EPS8L3: variants seen among roughly 807,000 people sequenced by gnomAD.
EPS8L3 encodes EPS8 signaling adaptor L3.
A neutral mutation model predicts 88.5 loss-of-function variants in EPS8L3; 80 were observed. That is an observed-to-expected ratio of 0.90 (90% CI 0.75 to 1.09). The LOEUF is 1.09. Ranked by LOEUF, EPS8L3 falls within the 50% of genes least tolerant of loss-of-function variation. EPS8L3 has a pLI of 0.00. For missense variants in EPS8L3, 721 were observed against 735.2 expected (o/e 0.98, Z 0.22); for synonymous variants, 286 against 291.0 (o/e 0.98, Z 0.18).
In EPS8L3 at chr1:109,758,747, G is replaced by A. The variant is rs1027713443; in HGVS notation, c.462-84C>T. The A allele has an allele frequency of 1.3e-5, 19 of 1,482,972 alleles. 1 individual carries two copies. In the South Asian group the frequency reaches 2.2e-4, roughly 17 times the overall value. 91.9% of individuals were successfully genotyped at this position (1,482,972 alleles called of 1,614,324 possible). On this transcript the variant is annotated intron_variant, in intron 6 of 18. Coordinates refer to ENST00000361965, the MANE Select transcript of EPS8L3 (RefSeq NM_133181.4). The stretch of plus-strand genomic sequence containing the variant: ...CCCACAATTCTGCTCCAGGACCCAG[G>A]GGCACCACCACCTCTCTCCAGGAGT...
intron 10 of EPS8L3, 112 bp downstream of exon 10, chr1:109,757,690 G>T: frequency 7.1e-7 from 1 of 1,402,198 alleles, no homozygotes; most frequent in Non-Finnish European, 1.0e-6. Flanking sequence ...AGGTTCTAGG[G>T]GGAGTAGATG....
At position 109,751,281 on chromosome 1, in the gene EPS8L3, G is replaced by A. The variant is rs760731881; in HGVS notation, c.1634C>T (p.Thr545Ile). 2 of 1,613,664 alleles carry A rather than the reference G, an allele frequency of 1.2e-6. No homozygotes were observed. The highest frequency in any genetic ancestry group is 1.7e-6 in the Non-Finnish European group (2 of 1,179,898). Residue 545 changes from threonine (T) to isoleucine (I), a missense_variant, in exon 17 of 19, where the codon ACT (threonine) becomes ATT (isoleucine). Thr to Ile is a moderately conservative substitution (Grantham distance 89). Transcript: ENST00000361965. ...TDWLQAENFS[T>I]ATVRTLGSLT... is the part of the protein sequence containing the mutation. ...TCCTGTAGGGCCAGGCACTCACGCA[G>A]TGGAGAAGTTCTCTGCCTGCAGCCA...
Position 109,757,019 on chromosome 1 carries a change from G to A in EPS8L3, c.1116C>T (p.Ser372=). The change falls in exon 12 of 19, where the codon AGC becomes AGT. Residue 372 remains serine (S), a splice_region_variant and synonymous_variant. Transcript: ENST00000361965. ...GTTCAGGCTTTGTCTTCACTCACCGGCTAGTGGTCCAGGCTGGGCCCAACC... is the reference window on the plus strand; with the variant it reads ...GTTCAGGCTTTGTCTTCACTCACCGACTAGTGGTCCAGGCTGGGCCCAACC... The part of the protein sequence containing the change: ...WMGLGPAWTT[S]RADWTGDEPL... The A allele has an allele frequency of 6.2e-7, 1 of 1,614,206 alleles. No individual in the cohort carries two copies. The highest frequency in any genetic ancestry group is 8.5e-7 in the Non-Finnish European group (1 of 1,180,022).
Position 109,757,008 on chromosome 1 carries a change from T to C in EPS8L3, c.1118+9A>G, listed in dbSNP as rs1380255654. The C allele has an allele frequency of 6.2e-7, 1 of 1,614,086 alleles. No individual in the cohort carries two copies. Among genetic ancestry groups the C allele is most frequent in the African/African-American group, 1.3e-5 (1 of 74,934 alleles). On this transcript the variant is annotated intron_variant, in intron 12 of 18. Coordinates refer to ENST00000361965, the MANE Select transcript of EPS8L3 (RefSeq NM_133181.4). ...CCCCCGATTCAGTTCAGGCTTTGTCTTCACTCACCGGCTAGTGGTCCAGGC... is the reference window on the plus strand; with the variant it reads ...CCCCCGATTCAGTTCAGGCTTTGTCCTCACTCACCGGCTAGTGGTCCAGGC...
Position 109,759,227 on chromosome 1 carries a change from C to T in EPS8L3, c.405+11G>A, listed in dbSNP as rs369574563. The T allele has an allele frequency of 1.8e-5, 29 of 1,613,254 alleles. No individual in the cohort carries two copies. Among genetic ancestry groups the T allele is most frequent in the African/African-American group, 1.1e-4 (8 of 74,860 alleles). ...AACCCCACCCCTGACCAATCACCCCCGACCACTCACCCCCACTTCCTGGCA... is the reference window on the plus strand; with the variant it reads ...AACCCCACCCCTGACCAATCACCCCTGACCACTCACCCCCACTTCCTGGCA... On this transcript the variant is annotated intron_variant, in intron 5 of 18. Coordinates refer to ENST00000361965, the MANE Select transcript of EPS8L3 (RefSeq NM_133181.4). This position sits in a 1 kb window ranked among gnomAD's most constrained non-coding sequence, Gnocchi z 4.2.
In EPS8L3 at chr1:109,758,632, C is replaced by A. The variant is rs189948839; in HGVS notation, c.493G>T (p.Asp165Tyr). Reference protein sequence around the residue: ...PRLGGLQPGQDRWRGPAMERP... With the variant: ...PRLGGLQPGQYRWRGPAMERP... Reference sequence around the variant, plus strand: ...TCCATAGCAGGCCCCCTCCATCTGTCCTGGCCTGGCTGAAGGCCTCCAAGT... The same window carrying A: ...TCCATAGCAGGCCCCCTCCATCTGTACTGGCCTGGCTGAAGGCCTCCAAGT... Residue 165 changes from aspartate to tyrosine, a missense_variant, in exon 7 of 19, where the codon GAC (aspartate) becomes TAC (tyrosine). Transcript: ENST00000361965. 8 of 1,603,528 alleles carry A rather than the reference C, an allele frequency of 5.0e-6. 1 individual carries two copies. In the South Asian group the frequency reaches 8.9e-5, roughly 18 times the overall value.
chr1:109,757,895 G>T (rs1391174640), intron 9 of EPS8L3, 32 bp from the exon 10 acceptor site: 2 of 1,613,520 alleles, frequency 1.2e-6, no homozygotes, highest in African/African-American at 2.7e-5. Context: ...GTGGGCCAGA[G>T]ATCACCCTGA....
intron 14 of EPS8L3, 190 bp from the exon 15 acceptor site, chr1:109,752,383 A>G (rs150599964): frequency 3.2e-6 from 2 of 625,636 alleles, no homozygotes; most frequent in African/African-American, 1.8e-5. Context: ...AATGTCATTG[A>G]TTTCTGAAGA....
chr1:109,754,974 T>C (rs763156906), intron 12 of EPS8L3, among the ~76,000 whole-genome samples: 2 of 152,214 alleles, frequency 1.3e-5, no homozygotes, highest in African/African-American at 4.8e-5. Flanking sequence ...AATAGATTGT[T>C]ATGGGTGGAA....
intron 10 of EPS8L3, 61 bp from the exon 11 acceptor site, chr1:109,757,616 C>T: frequency 1.3e-6 from 2 of 1,525,448 alleles, no homozygotes; most frequent in Non-Finnish European, 1.8e-6. Flanking sequence ...CACCAGGTCA[C>T]CATAATTGTT....
chr1:109,757,756 G>T, intron 10 of EPS8L3, 46 bp downstream of exon 10: 1 of 1,577,298 alleles, frequency 6.3e-7, no homozygotes, highest in Non-Finnish European at 8.7e-7. Flanking sequence ...TACTGGGGAG[G>T]AAGGGGAAGA....
rs766438504 is a variant in EPS8L3 at position 109,758,270 on chromosome 1, C to T, written c.717+46G>A. ...AGGGAGGGTTGGTGTCCTTCCTTTT[C>T]CCAGGCCCAGAAAGCCTCAGCAAAC... On this transcript the variant is annotated intron_variant, in intron 8 of 18. Transcript: ENST00000361965. 6.4e-6 allele frequency: 10 copies of T among 1,558,782 alleles called. No homozygotes were observed. In the African/African-American group the frequency reaches 9.5e-5, roughly 15 times the overall value.
chr1:109,752,835 C>T, intron 13 of EPS8L3, 115 bp from the exon 14 acceptor site: 1 of 933,764 alleles, frequency 1.1e-6, no homozygotes, highest in Non-Finnish European at 1.7e-6. Flanking sequence ...CCTCCTATCC[C>T]CTTTCCTGCC....
chr1:109,752,055 C>T lies in EPS8L3; in HGVS notation c.1374G>A (p.Leu458=), dbSNP rs370318041. 4 of 1,613,866 alleles carry T rather than the reference C, an allele frequency of 2.5e-6. No individual in the cohort carries two copies. In the African/African-American group the frequency reaches 4.0e-5, roughly 16 times the overall value. The change falls in exon 15 of 19, where the codon TTG becomes TTA. Residue 458 remains leucine (L), a synonymous_variant. Transcript: ENST00000361965. The part of the protein sequence containing the change: ...PAQPALKMQV[L]YEFEARNPRE... ...GTGGGTTCCTAGCTTCAAACTCGTA[C>T]AAGACTTGCATTTTCAGGGCTGGCT...
intron 3 of EPS8L3, chr1:109,761,275 A>G: frequency 2.0e-6 from 1 of 511,670 alleles, no homozygotes; most frequent in East Asian, 3.0e-5. Flanking sequence ...ACCTCCAGCC[A>G]GGCCTGCTCT....
chr1:109,752,409 A>C (rs181014592), intron 14 of EPS8L3: 1 of 608,122 alleles, frequency 1.6e-6, no homozygotes, highest in East Asian at 2.8e-5. Flanking sequence ...CCGGGAGTGG[A>C]ATTTTCTACA....
At chr1:109,760,121 G>A (rs1157165890) in intron 3 of EPS8L3, among the ~76,000 whole-genome samples, 1 of 152,150 alleles carries the variant, frequency 6.6e-6, no homozygotes, top group East Asian at 1.9e-4. Context: ...TCCAGGCCAG[G>A]TGAGGCAGCT....
chr1:109,763,362 A>C (rs1009212097), intron 1 of EPS8L3, among the ~76,000 whole-genome samples: 1 of 151,160 alleles, frequency 6.6e-6, no homozygotes, highest in Non-Finnish European at 1.5e-5. Context: ...GCCCCTGGTC[A>C]GCCCCACTCC....
At position 109,757,504 on chromosome 1, in the gene EPS8L3, T is replaced by C. The variant is rs1161552354; in HGVS notation, c.946A>G (p.Ile316Val). The C allele has an allele frequency of 2.5e-6, 4 of 1,614,108 alleles. No homozygotes were observed. The highest frequency in any genetic ancestry group is 3.4e-6 in the Non-Finnish European group (4 of 1,179,994). Residue 316 changes from isoleucine (I) to valine (V), a missense_variant, in exon 11 of 19, where the codon ATC (isoleucine) becomes GTC (valine). Coordinates refer to ENST00000361965, the MANE Select transcript of EPS8L3 (RefSeq NM_133181.4). ...KETSAPELVH[I>V]LFKSLNFILA... ...ACGAAGTTCAGGGACTTGAAGAGGA[T>C]GTGTACGAGCTCAGGGGCACTTGTC... is the stretch of plus-strand genomic sequence containing the variant.
Sources: gnomAD v4.1 joint callset for allele counts (sites outside exome capture counted in the v4.1 genomes callset) on GRCh38, gnomAD v4.1.1 for gene constraint, Gnocchi (gnomAD v3.1) non-coding constraint, MANE v1.5 for transcripts, NCBI Gene and HGNC (gene_info 2026-07-23, HGNC 2026-07-21) for gene names.